The following POLA1 variants were observed in gnomAD, a reference collection of about 807,000 sequenced individuals.
POLA1 encodes the protein DNA polymerase alpha catalytic subunit.
Under a neutral mutation model 124.0 loss-of-function variants are expected in POLA1, and 15 were observed. That is an observed-to-expected ratio of 0.12 (90% CI 0.08 to 0.19). The LOEUF (loss-of-function observed/expected upper bound fraction) is 0.19, where lower values mean the gene tolerates loss of function less well. Among genes scored for constraint, POLA1 ranks in the 10% least tolerant of loss-of-function variants. The pLI is 1.00. For missense variants in POLA1, 886 were observed against 1,103.4 expected, an observed-to-expected ratio of 0.80 and a Z score of 2.79; for synonymous variants, 408 against 389.4, an observed-to-expected ratio of 1.05 and a Z score of -0.56.
chrX:24,913,419 AGTC>A (rs1322480743), intron 35 of POLA1, among the ~76,000 whole-genome samples: 1 of 111,580 alleles, frequency 9.0e-6, no homozygotes, highest in Non-Finnish European at 1.9e-5. Context: ...GTGTTTAAAA[AGTC>A]GTGGTAAGGC....
At chrX:24,741,128 T>C (rs1931616042) in intron 20 of POLA1, among the ~76,000 whole-genome samples, 1 of 79,696 alleles carries the variant, frequency 1.3e-5, no homozygotes, top group Non-Finnish European at 2.8e-5. Context: ...TGTGTGTGTG[T>C]GTGTGTGTGT....
At chrX:24,755,545 G>T (rs1202658422) in intron 26 of POLA1, among the ~76,000 whole-genome samples, 7 of 111,764 alleles carry the variant, frequency 6.3e-5, no homozygotes, top group African/African-American at 2.3e-4. Context: ...TGGATTGTAT[G>T]TCTCTTAGTA....
chrX:24,755,692 A>T (rs1321495715), intron 26 of POLA1, among the ~76,000 whole-genome samples: 2 of 111,283 alleles, frequency 1.8e-5, no homozygotes, highest in Non-Finnish European at 3.8e-5. Context: ...CAGATATTTA[A>T]TTTTTTCCTC....
At chrX:24,884,265 CAGCCTCCCG>C (rs2047038285) in intron 34 of POLA1, among the ~76,000 whole-genome samples, 1 of 111,247 alleles carries the variant, frequency 9.0e-6, no homozygotes, top group African/African-American at 3.3e-5. Context: ...CTTCCCATCT[CAGCCTCCCG>C]AGTAACTGTG....
chrX:24,742,874 A>C (rs1426953097), intron 22 of POLA1, among the ~76,000 whole-genome samples: 3 of 112,067 alleles, frequency 2.7e-5, no homozygotes, highest in Admixed American at 9.5e-5. Context: ...CGAATGTTAG[A>C]GTAGTGATTT....
At chrX:24,860,563 G>A (rs979858343) in intron 34 of POLA1, among the ~76,000 whole-genome samples, 2 of 112,460 alleles carry the variant, frequency 1.8e-5, no homozygotes, top group East Asian at 2.8e-4. Flanking sequence ...TGAGTATGTG[G>A]TACAGAATTA....
rs1930638490 is a variant in POLA1 at position 24,727,882 on chromosome X, C to T, written c.1632C>T (p.Val544=). Residue 544 remains valine, a synonymous_variant, in exon 15 of 37, where the codon GTC becomes GTT. Coordinates refer to ENST00000379068, the MANE Select transcript of POLA1 (RefSeq NM_001330360.2). ...VIKDVSPPPL[V]VMAFSMKTMQ... ...AGGATGTCAGTCCACCACCGCTTGT[C>T]GTGATGGCTTTCAGCATGAAGACAA... 3 of 1,209,206 alleles carry T rather than the reference C, an allele frequency of 2.5e-6. No homozygotes were observed. Among genetic ancestry groups the T allele is most frequent in the Middle Eastern group, 2.3e-4 (1 of 4,347 alleles).
At chrX:24,869,852 C>A (rs2046842815) in intron 34 of POLA1, among the ~76,000 whole-genome samples, 1 of 111,390 alleles carries the variant, frequency 9.0e-6, no homozygotes, top group Non-Finnish European at 1.9e-5. Flanking sequence ...TTCATGCGCT[C>A]CAGGTGTCCC....
At chrX:24,904,938 C>T (rs1011954325) in intron 35 of POLA1, among the ~76,000 whole-genome samples, 2 of 107,900 alleles carry the variant, frequency 1.9e-5, no homozygotes, top group African/African-American at 3.4e-5. Flanking sequence ...GCAGGAGAAT[C>T]GCTTGAAACC....
chrX:24,938,375 C>CA (rs2047877440), intron 36 of POLA1, among the ~76,000 whole-genome samples: 1 of 111,600 alleles, frequency 9.0e-6, no homozygotes, highest in Admixed American at 9.5e-5. Flanking sequence ...GAGATCGCAC[C>CA]ATAGCACTCC....
intron 13 of POLA1, 70 bp downstream of exon 13, chrX:24,726,125 T>G: frequency 3.0e-6 from 2 of 662,791 alleles, no homozygotes; most frequent in East Asian, 6.5e-5. Flanking sequence ...AACTTTCAAC[T>G]GACTTTCAGT....
At chrX:24,947,775 G>A (rs1159529848) in intron 36 of POLA1, among the ~76,000 whole-genome samples, 1 of 112,396 alleles carries the variant, frequency 8.9e-6, no homozygotes, top group Admixed American at 9.4e-5. Context: ...GCAGCATGCA[G>A]GCACACGTAT....
chrX:24,779,228 A>C (rs973013389), intron 26 of POLA1, among the ~76,000 whole-genome samples: 1 of 110,801 alleles, frequency 9.0e-6, no homozygotes, highest in African/African-American at 3.3e-5. Flanking sequence ...ACAGGTGCCC[A>C]CCATCACACC....
intron 34 of POLA1, among the ~76,000 whole-genome samples, chrX:24,864,662 AC>A (rs1359556891): frequency 9.3e-6 from 1 of 107,891 alleles, no homozygotes; most frequent in Non-Finnish European, 1.9e-5. Flanking sequence ...ATTCTCCTTC[AC>A]CTTTAAGACC....
intron 36 of POLA1, among the ~76,000 whole-genome samples, chrX:24,953,031 C>T (rs999896464): frequency 8.9e-6 from 1 of 112,089 alleles, no homozygotes; most frequent in Non-Finnish European, 1.9e-5. Context: ...TACATGTAGT[C>T]ATGCTAATCT....
At position 24,717,343 on chromosome X, in the gene POLA1, G is replaced by C. The variant is rs1929913200; in HGVS notation, c.760G>C (p.Glu254Gln). The change falls in exon 9 of 37, where the codon GAG (glutamate) becomes CAG (glutamine). Residue 254 changes from glutamate to glutamine, a missense_variant. Physicochemically the swap from Glu to Gln is conservative, Grantham distance 29. This residue lies in a region of POLA1 where 337 missense variants were observed against 402.8 expected (regional missense o/e 0.84). Transcript: ENST00000379068. Reference sequence around the variant, plus strand: ...AGAAGAGCAGGAGTCAGGGGCAATGGAGTTTGAAGATGGTGACTTTGATGA... The same window carrying C: ...AGAAGAGCAGGAGTCAGGGGCAATGCAGTTTGAAGATGGTGACTTTGATGA... ...TEEEQESGAM[E>Q]FEDGDFDEPM... 8.3e-7 allele frequency: 1 copy of C among 1,209,946 alleles called. No individual in the cohort carries two copies. Among genetic ancestry groups the C allele is most frequent in the Non-Finnish European group, 1.1e-6 (1 of 893,997 alleles).
intron 26 of POLA1, among the ~76,000 whole-genome samples, chrX:24,765,459 C>A (rs1467925500): frequency 9.1e-6 from 1 of 109,585 alleles, no homozygotes; most frequent in East Asian, 2.9e-4. Flanking sequence ...CCACACCCAG[C>A]TAATTTTTGT....
chrX:24,989,611 T>C (rs2048513525), intron 36 of POLA1, among the ~76,000 whole-genome samples: 2 of 111,177 alleles, frequency 1.8e-5, no homozygotes, highest in South Asian at 7.7e-4. Flanking sequence ...ATGCTTCCAT[T>C]TTCTCATGAC....
chrX:24,726,092 A>C (rs767882975), intron 13 of POLA1, 37 bp downstream of exon 13: 19 of 885,215 alleles, frequency 2.1e-5, no homozygotes, highest in Non-Finnish European at 2.5e-5. Flanking sequence ...GTTTTGCTTG[A>C]GAATGACATT....
Sources: allele counts gnomAD v4.1 joint callset (sites outside exome capture counted in the v4.1 genomes callset), GRCh38; gene constraint gnomAD v4.1.1; regional missense constraint gnomAD v4.1.1; transcripts MANE v1.5; gene names NCBI Gene and HGNC (gene_info 2026-07-23, HGNC 2026-07-21).